The following FAM133A variants were observed in gnomAD, a reference collection of about 807,000 sequenced individuals.
FAM133A encodes the protein family with sequence similarity 133 member A, also known as protein FAM133A.
For synonymous variants in FAM133A, 65 were observed against 58.6 expected (o/e 1.11, Z -0.50); for missense variants, 159 against 164.4 (o/e 0.97, Z 0.18).
chrX:93,710,522 T>C lies in FAM133A; in HGVS notation c.*356T>C. 1 of 155,447 alleles carries C rather than the reference T, an allele frequency of 6.4e-6. No individual in the cohort carries two copies. The allele number at this position is 155,447 out of a possible 1,213,427, so 12.8% of individuals were successfully genotyped here. A position where few individuals can be genotyped will look rare whatever the true frequency, so the allele number is the denominator to read the frequency against. On this transcript the variant is annotated 3_prime_UTR_variant, in exon 4 of 4. Coordinates refer to ENST00000683942, the MANE Select transcript of FAM133A (RefSeq NM_001171109.2). ...AACATAAATGTAATTTCCAGACAATTGTAGTTGGTATTTTTGATGCAAGGA... is the reference window on the plus strand; with the variant it reads ...AACATAAATGTAATTTCCAGACAATCGTAGTTGGTATTTTTGATGCAAGGA...
chrX:93,679,447 G>A (rs1483771535), intron 2 of FAM133A, among the ~76,000 whole-genome samples: 2 of 110,740 alleles, frequency 1.8e-5, no homozygotes, highest in Admixed American at 9.7e-5. Context: ...TCTGAATTGC[G>A]TTTCTAGCAA....
chrX:93,695,513 A>G (rs1454717815), intron 2 of FAM133A, among the ~76,000 whole-genome samples: 2 of 110,358 alleles, frequency 1.8e-5, no homozygotes, highest in Non-Finnish European at 3.8e-5. Flanking sequence ...TAGGCCTCCC[A>G]AAGTGCTGGG....
At chrX:93,678,763 G>A (rs1018095954) in intron 2 of FAM133A, among the ~76,000 whole-genome samples, 4 of 112,003 alleles carry the variant, frequency 3.6e-5, no homozygotes, top group African/African-American at 1.3e-4. Context: ...GTCAAAATTA[G>A]CTGTCCTTGT....
chrX:93,678,054 G>C (rs965138490), intron 2 of FAM133A, among the ~76,000 whole-genome samples: 1 of 111,705 alleles, frequency 9.0e-6, no homozygotes, highest in Non-Finnish European at 1.9e-5. Context: ...TGTTTTAAAA[G>C]TTAGCCATTC....
At chrX:93,697,190 T>TATATATAA (rs1176351541) in intron 2 of FAM133A, among the ~76,000 whole-genome samples, 261 of 97,820 alleles carry the variant, frequency 2.7e-3, no homozygotes, top group Non-Finnish European at 4.2e-3. Flanking sequence ...TATATATATA[T>TATATATAA]AATATATCAT....
At chrX:93,687,800 C>G (rs1175617212) in intron 2 of FAM133A, among the ~76,000 whole-genome samples, 1 of 111,872 alleles carries the variant, frequency 8.9e-6, no homozygotes, top group Non-Finnish European at 1.9e-5. Context: ...TCCCATCCCC[C>G]GACTAACTCA....
intron 3 of FAM133A, among the ~76,000 whole-genome samples, chrX:93,705,680 C>T (rs1197356095): frequency 9.0e-6 from 1 of 111,456 alleles, no homozygotes; most frequent in Non-Finnish European, 1.9e-5. Context: ...AAAAATCCTG[C>T]ATCCATTCCC....
intron 2 of FAM133A, among the ~76,000 whole-genome samples, chrX:93,679,909 T>A (rs1319082825): frequency 1.1e-4 from 10 of 91,844 alleles, no homozygotes; most frequent in Non-Finnish European, 2.1e-4. Flanking sequence ...CCACCACTCC[T>A]GGCAAATTTT....
chrX:93,696,925 G>GA (rs200154302), intron 2 of FAM133A, among the ~76,000 whole-genome samples: 8 of 94,872 alleles, frequency 8.4e-5, no homozygotes, highest in South Asian at 4.7e-4. Context: ...GTCTCAAAAA[G>GA]AAAAAAAAAA....
chrX:93,706,930 A>G (rs1022699445), intron 3 of FAM133A, among the ~76,000 whole-genome samples: 5 of 111,612 alleles, frequency 4.5e-5, no homozygotes, highest in African/African-American at 1.6e-4. Context: ...GTCCTTAAAC[A>G]CTCAAATATG....
chrX:93,704,529 A>C (rs1470864308), intron 3 of FAM133A, among the ~76,000 whole-genome samples: 1 of 111,928 alleles, frequency 8.9e-6, no homozygotes, highest in East Asian at 2.8e-4. Context: ...AAGATGTTTC[A>C]ACTCAAATTT....
chrX:93,702,282 T>G (rs1926755148), intron 3 of FAM133A, among the ~76,000 whole-genome samples: 1 of 110,850 alleles, frequency 9.0e-6, no homozygotes, highest in Non-Finnish European at 1.9e-5. Context: ...ATGCAGGGGT[T>G]ATACAAAATG....
intron 2 of FAM133A, among the ~76,000 whole-genome samples, chrX:93,694,529 G>A (rs1926099955): frequency 9.0e-6 from 1 of 111,559 alleles, no homozygotes; most frequent in Admixed American, 9.5e-5. Context: ...TTTTGGTTGA[G>A]TCTGAAGGAG....
Position 93,694,681 on chromosome X carries a change from T to G in FAM133A, c.-192-3716T>G, listed in dbSNP as rs1022396726. On this transcript the variant is annotated intron_variant, in intron 2 of 3. Transcript: ENST00000683942. ...TTCCAGCACTGTCTGGGAAAGAGGG[T>G]GTCCTGATTAGTAGATTGGAATATT... Among the ~76,000 whole-genome samples, 9 of 111,004 alleles carry G rather than the reference T, an allele frequency of 8.1e-5. 1 individual carries two copies. In the Admixed American group the frequency reaches 8.6e-4, roughly 11 times the overall value.
chrX:93,703,633 G>T (rs1210224997), intron 3 of FAM133A, among the ~76,000 whole-genome samples: 5 of 112,329 alleles, frequency 4.5e-5, no homozygotes, highest in Non-Finnish European at 7.5e-5. Flanking sequence ...TTGTTTTTCT[G>T]AATACAAAAT....
rs1927404697 is a variant in FAM133A at position 93,710,895 on chromosome X, A to G, written c.*729A>G. On this transcript the variant is annotated 3_prime_UTR_variant, in exon 4 of 4. Coordinates refer to ENST00000683942, the MANE Select transcript of FAM133A (RefSeq NM_001171109.2). ...TATACAGTACTGAATAATATTTAGT[A>G]TTACAATATTACATGATTTGAAATA... 1 of 123,218 alleles carries G rather than the reference A, an allele frequency of 8.1e-6. No homozygotes were observed. The highest frequency in any genetic ancestry group is 1.9e-5 in the Non-Finnish European group (1 of 53,228). 10.2% of individuals were successfully genotyped at this position (123,218 alleles called of 1,213,427 possible).
At chrX:93,696,860 C>T (rs192765877) in intron 2 of FAM133A, among the ~76,000 whole-genome samples, 1,401 of 108,214 alleles carry the variant, frequency 0.013, 29 homozygotes, top group African/African-American at 0.046. Flanking sequence ...GCGGAGCTGG[C>T]AGTGAGCCGA....
chrX:93,693,192 A>T (rs1926005240), intron 2 of FAM133A, among the ~76,000 whole-genome samples: 1 of 111,284 alleles, frequency 9.0e-6, no homozygotes, highest in African/African-American at 3.3e-5. Flanking sequence ...ACATTTTAAA[A>T]AGTCAGGGTT....
At chrX:93,697,764 T>C (rs1206900751) in intron 2 of FAM133A, among the ~76,000 whole-genome samples, 1 of 111,686 alleles carries the variant, frequency 9.0e-6, no homozygotes, top group Non-Finnish European at 1.9e-5. Context: ...CATGGGACCA[T>C]ACTTTGAGTT....
Sources: allele counts gnomAD v4.1 joint callset (sites outside exome capture counted in the v4.1 genomes callset), GRCh38; gene constraint gnomAD v4.1.1; transcripts MANE v1.5; gene names NCBI Gene and HGNC (gene_info 2026-07-23, HGNC 2026-07-21).